PLA2G4E: variants seen among roughly 807,000 people sequenced by gnomAD.
The protein encoded by PLA2G4E is cytosolic phospholipase A2 epsilon.
Under a neutral mutation model 109.1 loss-of-function variants are expected in PLA2G4E, and 84 were observed. That is an observed-to-expected ratio of 0.77 (90% CI 0.65 to 0.92). The LOEUF (loss-of-function observed/expected upper bound fraction) is 0.92. PLA2G4E is among the 40% of genes least tolerant of loss of function. PLA2G4E has a pLI of 0.00. For synonymous variants in PLA2G4E, 469 were observed against 436.1 expected, an observed-to-expected ratio of 1.08 and a Z score of -0.94; for missense variants, 1,057 against 1,076.6, an observed-to-expected ratio of 0.98 and a Z score of 0.25.
chr15:42,016,838 T>A (rs1373832453), intron 1 of PLA2G4E, among the ~76,000 whole-genome samples: 1 of 152,270 alleles, frequency 6.6e-6, no homozygotes, highest in Non-Finnish European at 1.5e-5. Flanking sequence ...GTCAATAACT[T>A]GCTCTAACAG....
intron 10 of PLA2G4E, chr15:41,997,853 G>A (rs1275757318): frequency 6.6e-6 from 1 of 151,744 alleles, no homozygotes; most frequent in Non-Finnish European, 1.5e-5. Flanking sequence ...TAGTCTGCAG[G>A]CAGGTGGGGC....
chr15:42,021,954 C>A (rs975114436), intron 1 of PLA2G4E, among the ~76,000 whole-genome samples: 1 of 152,212 alleles, frequency 6.6e-6, no homozygotes, highest in Non-Finnish European at 1.5e-5. Context: ...GAACTCTTCA[C>A]GTGCCTGGCC....
intron 1 of PLA2G4E, among the ~76,000 whole-genome samples, chr15:42,015,621 G>C (rs1183707242): frequency 1.3e-5 from 2 of 152,240 alleles, no homozygotes; most frequent in African/African-American, 4.8e-5. Context: ...GGCCAGGGGT[G>C]AATACTAGGC....
At chr15:42,002,374 T>C (rs1566840877) in intron 6 of PLA2G4E, among the ~76,000 whole-genome samples, 2 of 151,766 alleles carry the variant, frequency 1.3e-5, no homozygotes, top group African/African-American at 2.4e-5. Flanking sequence ...GTGGGTTGTT[T>C]TATTGGGGAG....
In PLA2G4E at chr15:41,999,596, G is replaced by A. The variant is rs760724377; in HGVS notation, c.937-35C>T. On this transcript the variant is annotated intron_variant, in intron 9 of 19. Coordinates refer to ENST00000399518, the Ensembl canonical transcript of PLA2G4E. The stretch of plus-strand genomic sequence containing the variant: ...GAAAGATGAAAAGCTTGTCAGAGGT[G>A]ACAATTCAGAGCCAAGTGATCCCAG... The A allele has an allele frequency of 5.6e-6, 9 of 1,606,232 alleles. No homozygotes were observed. In the Admixed American group the frequency reaches 1.2e-4, roughly 21 times the overall value.
chr15:42,037,096 G>T (rs1057129448), intron 1 of PLA2G4E, among the ~76,000 whole-genome samples: 13 of 152,238 alleles, frequency 8.5e-5, no homozygotes, highest in Admixed American at 2.6e-4. Context: ...TGAGGCCAAG[G>T]TGGGGGACTG....
intron 1 of PLA2G4E, among the ~76,000 whole-genome samples, chr15:42,046,822 C>T (rs1271710312): frequency 1.3e-5 from 2 of 152,170 alleles, no homozygotes; most frequent in African/African-American, 2.4e-5. Flanking sequence ...GAGAAGTTAT[C>T]TAAGAACACA....
intron 5 of PLA2G4E, among the ~76,000 whole-genome samples, chr15:42,003,150 C>T (rs755951245): frequency 6.6e-6 from 1 of 152,118 alleles, no homozygotes; most frequent in African/African-American, 2.4e-5. Flanking sequence ...TGTTAAATGC[C>T]CTTGTGTTAT....
chr15:42,048,441 C>T (rs538350018), intron 1 of PLA2G4E, among the ~76,000 whole-genome samples: 66 of 152,142 alleles, frequency 4.3e-4, no homozygotes, highest in Non-Finnish European at 9.4e-4. Flanking sequence ...TTACTTTACA[C>T]ATATCAAAAT....
chr15:41,992,624 G>A (rs1230817187), intron 13 of PLA2G4E, 113 bp downstream of exon 13: 29 of 1,007,930 alleles, frequency 2.9e-5, no homozygotes, highest in African/African-American at 1.1e-4. Context: ...GGATACTCCC[G>A]CAGGTCTAAC....
chr15:42,032,469 G>A (rs1383916282), intron 1 of PLA2G4E, among the ~76,000 whole-genome samples: 1 of 152,250 alleles, frequency 6.6e-6, no homozygotes, highest in Non-Finnish European at 1.5e-5. Context: ...CACGTCCTGG[G>A]TTTGACAAGG....
intron 1 of PLA2G4E, among the ~76,000 whole-genome samples, chr15:42,037,620 A>T (rs1889240756): frequency 6.6e-6 from 1 of 152,156 alleles, no homozygotes; most frequent in Non-Finnish European, 1.5e-5. Context: ...TCTATAACAC[A>T]AACAGGGCTG....
At chr15:42,040,530 CTG>C (rs1390561265) in intron 1 of PLA2G4E, among the ~76,000 whole-genome samples, 1 of 152,200 alleles carries the variant, frequency 6.6e-6, no homozygotes, top group Non-Finnish European at 1.5e-5. Context: ...ATAATTCTGA[CTG>C]TACAGTTTTC....
chr15:42,008,352 G>T (rs2068498722), intron 2 of PLA2G4E, among the ~76,000 whole-genome samples: 1 of 152,240 alleles, frequency 6.6e-6, no homozygotes, highest in Non-Finnish European at 1.5e-5. Context: ...AAGGGCCCCA[G>T]TGGGCAAGGA....
chr15:42,027,136 G>C (rs1479882798), intron 1 of PLA2G4E, among the ~76,000 whole-genome samples: 1 of 152,172 alleles, frequency 6.6e-6, no homozygotes, highest in Non-Finnish European at 1.5e-5. Flanking sequence ...CAACACACGA[G>C]ACGCACGCAG....
chr15:41,999,707 T>C, intron 9 of PLA2G4E, 146 bp from the exon 10 acceptor site: 1 of 1,162,326 alleles, frequency 8.6e-7, no homozygotes, highest in Non-Finnish European at 1.2e-6. Context: ...GGACACAATC[T>C]CCCCACCATC....
At chr15:42,006,640 T>G (rs917463664) in intron 3 of PLA2G4E, among the ~76,000 whole-genome samples, 1 of 152,200 alleles carries the variant, frequency 6.6e-6, no homozygotes, top group Non-Finnish European at 1.5e-5. Flanking sequence ...CTTTGACTCA[T>G]CAGCCCCTAG....
rs569940087 is a variant in PLA2G4E, at chr15:42,044,995, A to T, written c.183+5526T>A. Among the ~76,000 whole-genome samples the T allele has an allele frequency of 7.2e-5, 11 of 151,914 alleles. 1 individual carries two copies. In the South Asian group the frequency reaches 2.3e-3, roughly 32 times the overall value. ...CCTACACGGCATGGTGATAGATTAG[A>T]TATGAGGGCATCCAGTGGGCTTCAG... On this transcript the variant is annotated intron_variant, in intron 1 of 19. Transcript: ENST00000399518.
Position 42,010,131 on chromosome 15 carries a change from G to GCC in PLA2G4E, c.257-2267_257-2266insGG, listed in dbSNP as rs758613773. 2.2e-4 allele frequency: 98 copies of GCC among 440,720 alleles called. 1 individual carries two copies. In the African/African-American group the frequency reaches 2.6e-3, roughly 12 times the overall value. 27.3% of individuals were successfully genotyped at this position (440,720 alleles called of 1,614,324 possible). On this transcript the variant is annotated intron_variant, in intron 2 of 19. Coordinates refer to ENST00000399518, the Ensembl canonical transcript of PLA2G4E. ...CTTCCCTTGGCTTTTCCAGAACACT[G>GCC]GCCCCCCCACCCCGGGCCTGGACCA... is the stretch of plus-strand genomic sequence containing the variant.
Sources: gnomAD v4.1 joint callset for allele counts (sites outside exome capture counted in the v4.1 genomes callset) on GRCh38, gnomAD v4.1.1 for gene constraint, MANE v1.5 for transcripts, NCBI Gene and HGNC (gene_info 2026-07-23, HGNC 2026-07-21) for gene names.